ADAMTS6: variants seen among roughly 807,000 people sequenced by gnomAD.
ADAMTS6 encodes the protein ADAM metallopeptidase with thrombospondin type 1 motif 6.
In ADAMTS6, 23 loss-of-function variants were observed where a neutral mutation model predicts 144.3. The ratio of observed to expected loss-of-function variants is 0.16; its 90% CI spans 0.11 to 0.23. The LOEUF is 0.23. Ranked by LOEUF, ADAMTS6 falls within the 10% of genes least tolerant of loss-of-function variation. The pLI is 1.00. For synonymous variants in ADAMTS6, 444 were observed against 457.5 expected, an observed-to-expected ratio of 0.97 and a Z score of 0.38; for missense variants, 999 against 1,379.6, an observed-to-expected ratio of 0.72 and a Z score of 4.37.
At chr5:65,310,914 C>G (rs1744433436) in intron 9 of ADAMTS6, among the ~76,000 whole-genome samples, 1 of 151,892 alleles carries the variant, frequency 6.6e-6, no homozygotes, top group Admixed American at 6.6e-5. Flanking sequence ...AGTAATTTTG[C>G]TTTTTGTTTT....
chr5:65,382,365 T>A (rs1269785635), intron 7 of ADAMTS6, among the ~76,000 whole-genome samples: 4 of 152,226 alleles, frequency 2.6e-5, no homozygotes, highest in African/African-American at 9.6e-5. Context: ...CTATGAAATA[T>A]CTGATTTGAG....
intron 7 of ADAMTS6, among the ~76,000 whole-genome samples, chr5:65,342,885 CA>C (rs1174138530): frequency 1.3e-5 from 2 of 151,910 alleles, no homozygotes; most frequent in Non-Finnish European, 2.9e-5. Context: ...GTACAAAAAT[CA>C]GTAGCATTTC....
chr5:65,366,966 C>T (rs1173405540), intron 7 of ADAMTS6, among the ~76,000 whole-genome samples: 1 of 151,986 alleles, frequency 6.6e-6, no homozygotes, highest in Non-Finnish European at 1.5e-5. Context: ...GCTCTCATTC[C>T]AAGAAAAAGA....
At chr5:65,318,750 T>C (rs989077290) in intron 9 of ADAMTS6, among the ~76,000 whole-genome samples, 1 of 149,800 alleles carries the variant, frequency 6.7e-6, no homozygotes, top group Non-Finnish European at 1.5e-5. Context: ...TTGGGGAGGG[T>C]GGGGGATGCG....
At chr5:65,291,856 AT>A (rs1168884913) in intron 10 of ADAMTS6, among the ~76,000 whole-genome samples, 3 of 152,186 alleles carry the variant, frequency 2.0e-5, no homozygotes, top group East Asian at 1.9e-4. Context: ...TAAAAAAAAA[AT>A]AATTATGGTT....
At chr5:65,258,897 T>C (rs1760920059) in intron 14 of ADAMTS6, among the ~76,000 whole-genome samples, 1 of 152,122 alleles carries the variant, frequency 6.6e-6, no homozygotes, top group Admixed American at 6.5e-5. Context: ...CTGGAATTCA[T>C]GAAAGAAGTA....
intron 20 of ADAMTS6, among the ~76,000 whole-genome samples, chr5:65,198,936 A>G (rs1245880553): frequency 6.6e-6 from 1 of 152,152 alleles, no homozygotes; most frequent in Non-Finnish European, 1.5e-5. Context: ...TATTCATCGG[A>G]TATCTCCCCA....
At chr5:65,337,677 A>G (rs995977448) in intron 7 of ADAMTS6, among the ~76,000 whole-genome samples, 2 of 152,072 alleles carry the variant, frequency 1.3e-5, no homozygotes, top group Non-Finnish European at 2.9e-5. Flanking sequence ...ATGCTATAAT[A>G]ATAATCTTCA....
At chr5:65,389,025 G>A (rs573970034) in intron 7 of ADAMTS6, among the ~76,000 whole-genome samples, 2 of 152,150 alleles carry the variant, frequency 1.3e-5, no homozygotes, top group East Asian at 3.9e-4. Flanking sequence ...GGCTAACACG[G>A]TGAAACTCTC....
intron 23 of ADAMTS6, among the ~76,000 whole-genome samples, chr5:65,171,957 G>C (rs969919696): frequency 6.6e-6 from 1 of 151,624 alleles, no homozygotes; most frequent in Non-Finnish European, 1.5e-5. Flanking sequence ...ATACCAGAAA[G>C]CCTATGAAAT....
intron 9 of ADAMTS6, among the ~76,000 whole-genome samples, chr5:65,328,265 A>G (rs538769813): frequency 6.2e-4 from 95 of 152,236 alleles, no homozygotes; most frequent in South Asian, 3.9e-3. Context: ...AAGCTGAACT[A>G]CAGATTTACC....
chr5:65,318,346 A>G (rs1183448871), intron 9 of ADAMTS6, among the ~76,000 whole-genome samples: 1 of 152,148 alleles, frequency 6.6e-6, no homozygotes, highest in African/African-American at 2.4e-5. Flanking sequence ...CTAAAAATAG[A>G]ACTACCATAT....
intron 9 of ADAMTS6, among the ~76,000 whole-genome samples, chr5:65,303,806 C>T (rs1743675113): frequency 6.6e-6 from 1 of 151,906 alleles, no homozygotes. Context: ...ATGGTAGTTA[C>T]CTAATTGCTA....
chr5:65,373,580 G>C (rs1027953386), intron 7 of ADAMTS6, among the ~76,000 whole-genome samples: 1 of 151,978 alleles, frequency 6.6e-6, no homozygotes, highest in East Asian at 1.9e-4. Context: ...TCTCTGAATA[G>C]ACCAATAACA....
chr5:65,429,221 C>G (rs1680387925), intron 7 of ADAMTS6, among the ~76,000 whole-genome samples: 1 of 152,208 alleles, frequency 6.6e-6, no homozygotes, highest in Non-Finnish European at 1.5e-5. Context: ...ACTGTGAAGA[C>G]AGACACAAAG....
chr5:65,282,827 T>G (rs1169037995), intron 11 of ADAMTS6, among the ~76,000 whole-genome samples: 1 of 152,050 alleles, frequency 6.6e-6, no homozygotes, highest in African/African-American at 2.4e-5. Flanking sequence ...CTCAACTAGA[T>G]TTTCAGGTTT....
intron 21 of ADAMTS6, among the ~76,000 whole-genome samples, chr5:65,192,615 C>T (rs1755085736): frequency 6.6e-6 from 1 of 150,614 alleles, no homozygotes; most frequent in African/African-American, 2.4e-5. Flanking sequence ...TGGGGATTAG[C>T]TTCTTACCAA....
chr5:65,153,481 C>T (rs1752240007), intron 24 of ADAMTS6, among the ~76,000 whole-genome samples: 1 of 152,218 alleles, frequency 6.6e-6, no homozygotes. Flanking sequence ...TGTAAGACTA[C>T]ACGTGTATCC....
chr5:65,410,963 G>A (rs1754997260), intron 7 of ADAMTS6, among the ~76,000 whole-genome samples: 1 of 152,042 alleles, frequency 6.6e-6, no homozygotes. Context: ...TCAGGCTCCT[G>A]AGTAGCTGGG....
Sources: gnomAD v4.1 joint callset for allele counts (sites outside exome capture counted in the v4.1 genomes callset) on GRCh38, gnomAD v4.1.1 for gene constraint, MANE v1.5 for transcripts, NCBI Gene and HGNC (gene_info 2026-07-23, HGNC 2026-07-21) for gene names.